The following DPP6 variants were observed in gnomAD, a reference collection of about 807,000 sequenced individuals.
DPP6 encodes dipeptidyl peptidase like 6.
A neutral mutation model predicts 122.6 loss-of-function variants in DPP6; 69 were observed. The observed-to-expected ratio is 0.56, with a 90% confidence interval of 0.46 to 0.69. DPP6 has a LOEUF of 0.69. Ranked by LOEUF, DPP6 falls within the 30% of genes least tolerant of loss-of-function variation. The pLI is 0.00. For synonymous variants in DPP6, 418 were observed against 433.1 expected (o/e 0.97, Z 0.43); for missense variants, 928 against 1,116.9 (o/e 0.83, Z 2.41).
chr7:153,992,808 C>G (rs1797240971), intron 1 of DPP6, among the ~76,000 whole-genome samples: 2 of 152,210 alleles, frequency 1.3e-5, no homozygotes, highest in Admixed American at 1.3e-4. Context: ...GTTTTTGTTT[C>G]CTTGCTTCTG....
At chr7:154,226,200 C>T (rs1211063054) in intron 1 of DPP6, among the ~76,000 whole-genome samples, 1 of 152,194 alleles carries the variant, frequency 6.6e-6, no homozygotes, top group East Asian at 1.9e-4. Context: ...GTGGAGTCCT[C>T]ACCAAATGGC....
chr7:154,200,522 C>T (rs1229245503), intron 1 of DPP6, among the ~76,000 whole-genome samples: 2 of 152,082 alleles, frequency 1.3e-5, no homozygotes, highest in African/African-American at 4.8e-5. Context: ...GTTTGAGGGG[C>T]ATTTGCTAAC....
At chr7:154,154,040 A>G (rs1796560834) in intron 1 of DPP6, among the ~76,000 whole-genome samples, 1 of 152,214 alleles carries the variant, frequency 6.6e-6, no homozygotes, top group Non-Finnish European at 1.5e-5. Flanking sequence ...TGTTCCTTCA[A>G]TTCCCATCAG....
chr7:154,275,005 G>A (rs1324788290), intron 1 of DPP6, among the ~76,000 whole-genome samples: 1 of 152,236 alleles, frequency 6.6e-6, no homozygotes, highest in African/African-American at 2.4e-5. Flanking sequence ...CCATGCCTCT[G>A]GACCCTCAGC....
At chr7:154,654,420 T>TCCTTCCTTCCTTCCTTC (rs1563065170) in intron 6 of DPP6, among the ~76,000 whole-genome samples, 1 of 139,026 alleles carries the variant, frequency 7.2e-6, no homozygotes. Flanking sequence ...TTTCTTTCTT[T>TCCTTCCTTCCTTCCTTC]CTTTCTTTCT....
rs902327829 is a variant in DPP6 at position 154,165,095 on chromosome 7, C to T, written c.243+112032C>T. On this transcript the variant is annotated intron_variant, in intron 1 of 25. Coordinates refer to ENST00000377770, the MANE Select transcript of DPP6 (RefSeq NM_130797.4). ...TATGTATACATGTGCCATGCTGGTG[C>T]GCTGCACCCACTAACTCGTCATCTA... Among the ~76,000 whole-genome samples the T allele has an allele frequency of 8.0e-5, 12 of 150,022 alleles. No homozygotes were observed. In the South Asian group the frequency reaches 8.4e-4, roughly 11 times the overall value.
upstream of DPP6, among the ~76,000 whole-genome samples, chr7:153,886,868 C>T (rs1403432877): frequency 6.6e-6 from 1 of 152,138 alleles, no homozygotes; most frequent in Non-Finnish European, 1.5e-5. Context: ...CTCTCGCGGG[C>T]GCAGCCGATC....
In DPP6 at chr7:154,875,084, A is replaced by T. The variant is rs1804735070; in HGVS notation, c.1884-822A>T. On this transcript the variant is annotated intron_variant, in intron 19 of 25. Coordinates refer to ENST00000377770, the MANE Select transcript of DPP6 (RefSeq NM_130797.4). The surrounding 1 kb of genome is among the most constrained non-coding windows in gnomAD (Gnocchi z 4.5). Reference sequence around the variant, plus strand: ...CACTGCACTCCAGCCTGGCCGACAGAGTGAGACCCTGTCTCAAACAAAAGA... The same window carrying T: ...CACTGCACTCCAGCCTGGCCGACAGTGTGAGACCCTGTCTCAAACAAAAGA... Among the ~76,000 whole-genome samples the T allele has an allele frequency of 6.6e-6, 1 of 151,076 alleles. No homozygotes were observed. The highest frequency in any genetic ancestry group is 6.6e-5 in the Admixed American group (1 of 15,174).
At chr7:154,394,538 G>A (rs1814913205) in intron 1 of DPP6, among the ~76,000 whole-genome samples, 1 of 151,826 alleles carries the variant, frequency 6.6e-6, no homozygotes, top group South Asian at 2.1e-4. Flanking sequence ...CCTGTGGGTT[G>A]CCTTTTTATT....
At chr7:154,754,489 G>A (rs1843561218) in intron 8 of DPP6, among the ~76,000 whole-genome samples, 1 of 152,166 alleles carries the variant, frequency 6.6e-6, no homozygotes, top group Non-Finnish European at 1.5e-5. Context: ...TTAACAGAAT[G>A]ATCAGTTTTG....
At chr7:154,740,836 T>A (rs1842785236) in intron 8 of DPP6, among the ~76,000 whole-genome samples, 1 of 152,164 alleles carries the variant, frequency 6.6e-6, no homozygotes, top group Admixed American at 6.5e-5. Flanking sequence ...GAACCTTTAT[T>A]AGATGATTCT....
At chr7:154,800,876 A>G (rs1373334129) in intron 12 of DPP6, among the ~76,000 whole-genome samples, 1 of 152,130 alleles carries the variant, frequency 6.6e-6, no homozygotes, top group African/African-American at 2.4e-5. Context: ...GAAAGAATAG[A>G]TTTTGCTTTT....
intron 1 of DPP6, among the ~76,000 whole-genome samples, chr7:154,098,901 T>C (rs905747678): frequency 2.0e-5 from 3 of 152,248 alleles, no homozygotes; most frequent in African/African-American, 7.2e-5. Flanking sequence ...TCTAAACTCA[T>C]TCTTGCCCCA....
At chr7:154,437,153 A>G (rs775152024) in intron 1 of DPP6, among the ~76,000 whole-genome samples, 1 of 152,234 alleles carries the variant, frequency 6.6e-6, no homozygotes, top group Non-Finnish European at 1.5e-5. Flanking sequence ...GAATAAAGAT[A>G]GTAAGATTAC....
At chr7:153,790,329 A>C in the DPP6 span, among the ~76,000 whole-genome samples, 1 of 148,006 alleles carries the variant, frequency 6.8e-6, no homozygotes, top group East Asian at 1.9e-4. Context: ...ATAACTACTA[A>C]ATGAACAAAT....
At chr7:153,918,978 C>A (rs867541563) in intron 1 of DPP6, among the ~76,000 whole-genome samples, 1,426 of 89,014 alleles carry the variant, frequency 0.016, no homozygotes, top group African/African-American at 0.018. Flanking sequence ...GACTCTGTCT[C>A]AAAAAAAAAA....
chr7:154,117,434 G>C (rs1332256325), intron 1 of DPP6, among the ~76,000 whole-genome samples: 1 of 152,060 alleles, frequency 6.6e-6, no homozygotes, highest in Non-Finnish European at 1.5e-5. Flanking sequence ...TGTCTTTTAG[G>C]GGGAAGGGAA....
chr7:154,103,417 GT>G (rs1805899800), intron 1 of DPP6, among the ~76,000 whole-genome samples: 2 of 152,190 alleles, frequency 1.3e-5, no homozygotes, highest in African/African-American at 4.8e-5. Flanking sequence ...AATTATAAAT[GT>G]CAAATTATAA....
intron 7 of DPP6, among the ~76,000 whole-genome samples, chr7:154,719,667 G>A (rs1841692956): frequency 6.6e-6 from 1 of 152,156 alleles, no homozygotes; most frequent in Non-Finnish European, 1.5e-5. Context: ...GCAGGCATTG[G>A]ACAGGGCCCT....
Sources: allele counts gnomAD v4.1 joint callset (sites outside exome capture counted in the v4.1 genomes callset), GRCh38; gene constraint gnomAD v4.1.1; non-coding constraint Gnocchi (gnomAD v3.1); transcripts MANE v1.5; gene names NCBI Gene and HGNC (gene_info 2026-07-23, HGNC 2026-07-21).